FAM227A: variants seen among roughly 807,000 people sequenced by gnomAD.
FAM227A encodes family with sequence similarity 227 member A, also known as protein FAM227A.
In FAM227A, 80 loss-of-function variants were observed where a neutral mutation model predicts 74.7. The ratio of observed to expected loss-of-function variants is 1.07; its 90% CI spans 0.89 to 1.29. FAM227A has a LOEUF of 1.29. Among genes scored for constraint, FAM227A ranks in the 50% most tolerant of loss-of-function variants. The pLI is 0.00. For synonymous variants in FAM227A, 237 were observed against 241.8 expected (o/e 0.98, Z 0.19); for missense variants, 654 against 683.4 (o/e 0.96, Z 0.48).
intron 13 of FAM227A, 96 bp from the exon 14 acceptor site, chr22:38,600,017 TC>T: frequency 8.8e-7 from 1 of 1,138,150 alleles, no homozygotes; most frequent in Non-Finnish European, 1.2e-6. Flanking sequence ...TGTCCTTTGA[TC>T]CAGTAATTCC....
chr22:38,590,671 G>C (rs1016548343), intron 16 of FAM227A, among the ~76,000 whole-genome samples: 4 of 152,212 alleles, frequency 2.6e-5, no homozygotes, highest in Non-Finnish European at 5.9e-5. Flanking sequence ...TACAGTTCAT[G>C]AAGTACATAG....
At chr22:38,630,972 A>T (rs1385126214) in intron 6 of FAM227A, among the ~76,000 whole-genome samples, 1 of 152,222 alleles carries the variant, frequency 6.6e-6, no homozygotes, top group Non-Finnish European at 1.5e-5. Context: ...GTTCGAGACC[A>T]GTCTGGCCAA....
intron 6 of FAM227A, among the ~76,000 whole-genome samples, chr22:38,631,035 A>G (rs1236297732): frequency 6.6e-6 from 1 of 152,092 alleles, no homozygotes; most frequent in Non-Finnish European, 1.5e-5. Flanking sequence ...AGGTGTGGTG[A>G]TGCGCATCTA....
In FAM227A at chr22:38,584,582, C is replaced by G. The variant is rs2090767097; in HGVS notation, c.*1543G>C. On this transcript the variant is annotated 3_prime_UTR_variant, in exon 17 of 17. Coordinates refer to ENST00000535113, the MANE Select transcript of FAM227A (RefSeq NM_001013647.2). The stretch of plus-strand genomic sequence containing the variant: ...GAGTTCGAGACCAGCCTGGGCAACA[C>G]AGTGAGATCCCATCTCTACAAAAAA... 6.6e-6 allele frequency: 1 copy of G among 152,104 alleles called. No homozygotes were observed. The highest frequency in any genetic ancestry group is 6.6e-5 in the Admixed American group (1 of 15,254). The allele number at this position is 152,104 out of a possible 1,614,324, so 9.4% of individuals were successfully genotyped here. A position where few individuals can be genotyped will look rare whatever the true frequency, so the allele number is the denominator to read the frequency against.
chr22:38,640,432 C>A (rs969664096), intron 3 of FAM227A, among the ~76,000 whole-genome samples: 3 of 152,102 alleles, frequency 2.0e-5, no homozygotes, highest in African/African-American at 7.2e-5. Context: ...TAAGGGGTCT[C>A]TATTATCTAC....
chr22:38,606,650 T>C (rs966739902), intron 12 of FAM227A, among the ~76,000 whole-genome samples: 12 of 152,144 alleles, frequency 7.9e-5, no homozygotes, highest in Non-Finnish European at 1.6e-4. Context: ...GCCAGGGGAA[T>C]TGCAAGTAAC....
chr22:38,636,657 G>A lies in FAM227A; in HGVS notation c.373-60C>T, dbSNP rs1015036245. On this transcript the variant is annotated intron_variant, in intron 5 of 16. Transcript: ENST00000535113. ...CACATTTTGACAGTGTGAAACAATA[G>A]GCTAGCTTCCCCTCTTTATTATGAA... The A allele has an allele frequency of 2.8e-6, 4 of 1,438,376 alleles. No individual in the cohort carries two copies. The African/African-American group carries it at 4.3e-5, about 15-fold the overall frequency. The allele number at this position is 1,438,376 out of a possible 1,614,324, so 89.1% of individuals were successfully genotyped here. A position where few individuals can be genotyped will look rare whatever the true frequency, so the allele number is the denominator to read the frequency against.
Position 38,582,881 on chromosome 22 carries a change from G to A in FAM227A, c.*3244C>T. 1 of 1,550,530 alleles carries A rather than the reference G, an allele frequency of 6.4e-7. No individual in the cohort carries two copies. The highest frequency in any genetic ancestry group is 2.0e-5 in the Admixed American group (1 of 50,998). On this transcript the variant is annotated 3_prime_UTR_variant, in exon 17 of 17. Coordinates refer to ENST00000535113, the MANE Select transcript of FAM227A (RefSeq NM_001013647.2). ...GCCTACCTTGCTCCTGGTATATTAGGGAAGGCTCCCAAGATGAGGGACGTC... is the reference window on the plus strand; with the variant it reads ...GCCTACCTTGCTCCTGGTATATTAGAGAAGGCTCCCAAGATGAGGGACGTC...
intron 16 of FAM227A, among the ~76,000 whole-genome samples, chr22:38,589,929 C>T (rs1034842932): frequency 6.6e-6 from 1 of 151,948 alleles, no homozygotes; most frequent in Non-Finnish European, 1.5e-5. Context: ...AGCAAGATCT[C>T]ATCTCTTAAA....
intron 11 of FAM227A, among the ~76,000 whole-genome samples, chr22:38,608,999 G>T (rs1309656450): frequency 1.3e-5 from 2 of 151,704 alleles, no homozygotes; most frequent in African/African-American, 4.8e-5. Flanking sequence ...CACCATGTTG[G>T]CCAGGCTGGT....
Position 38,586,199 on chromosome 22 carries a change from C to A in FAM227A, c.1639G>T (p.Glu547Ter). Residue 547 changes from glutamate to a stop codon, truncating the protein, a stop_gained and splice_region_variant, in exon 17 of 17, where the codon GAG becomes TAG. Coordinates refer to ENST00000535113, the MANE Select transcript of FAM227A (RefSeq NM_001013647.2). LOFTEE classifies it low-confidence loss of function (END_TRUNC). ...CTCTTTCCCTCTCCTCCTTTCCCCT[C>A]CTGTGGGGGAAACAAACGAACAAAA... Reference protein sequence around the residue: ...NEESPDKKTKEGKGGEGKRRE... With the variant: ...NEESPDKKTK 6.5e-7 allele frequency: 1 copy of A among 1,544,638 alleles called. No homozygotes were observed. The highest frequency in any genetic ancestry group is 8.7e-7 in the Non-Finnish European group (1 of 1,145,156).
chr22:38,625,943 C>CAAAA (rs141715277), intron 9 of FAM227A, among the ~76,000 whole-genome samples: 3 of 71,532 alleles, frequency 4.2e-5, no homozygotes, highest in East Asian at 3.7e-4. Flanking sequence ...ACTCTATCTC[C>CAAAA]AAAAAAAAAA....
intron 14 of FAM227A, 159 bp from the exon 15 acceptor site, chr22:38,597,515 A>AG: frequency 1.3e-6 from 1 of 765,800 alleles, no homozygotes; most frequent in Non-Finnish European, 2.2e-6. Flanking sequence ...TGAGCAAGAG[A>AG]TGACTCTCCT....
At chr22:38,638,327 G>C (rs2092046082) in intron 5 of FAM227A, among the ~76,000 whole-genome samples, 1 of 152,152 alleles carries the variant, frequency 6.6e-6, no homozygotes, top group South Asian at 2.1e-4. Flanking sequence ...ATGACCCTGT[G>C]ACAAGTCACC....
At chr22:38,606,706 G>A (rs1226674839) in intron 12 of FAM227A, among the ~76,000 whole-genome samples, 1 of 152,172 alleles carries the variant, frequency 6.6e-6, no homozygotes, top group Non-Finnish European at 1.5e-5. Flanking sequence ...TACTATCACA[G>A]TCACCAATAT....
chr22:38,598,865 C>G (rs904479469), intron 14 of FAM227A, among the ~76,000 whole-genome samples: 2 of 152,072 alleles, frequency 1.3e-5, no homozygotes, highest in African/African-American at 4.8e-5. Flanking sequence ...ACCAATAGAC[C>G]AGTTTGATTC....
chr22:38,626,891 A>AAAAAAAAAAATATAT (rs1555966996), intron 8 of FAM227A, among the ~76,000 whole-genome samples: 2 of 57,688 alleles, frequency 3.5e-5, no homozygotes, highest in African/African-American at 1.8e-4. Context: ...AAAAAAAAAA[A>AAAAAAAAAAATATAT]ATATATATAT....
rs2091796517 is a variant in FAM227A at position 38,626,218 on chromosome 22, T to G, written c.812A>C (p.Lys271Thr). Reference protein sequence around the residue: ...PQSWFDTHEFKSDICNTMSLW... With the variant: ...PQSWFDTHEFTSDICNTMSLW... ...GCTCATTGTGTTACAGATGTCAGAC[T>G]TGAATTCGTGCGTGTCGAACCAGGA... Residue 271 changes from lysine to threonine, a missense_variant, in exon 9 of 17, where the codon AAG becomes ACG. Transcript: ENST00000535113. 1 of 1,551,660 alleles carries G rather than the reference T, an allele frequency of 6.4e-7. No homozygotes were observed. Among genetic ancestry groups the G allele is most frequent in the Non-Finnish European group, 8.7e-7 (1 of 1,146,964 alleles).
Position 38,605,360 on chromosome 22 carries a change from A to G in FAM227A, c.1127-12T>C, listed in dbSNP as rs1735791395. ...CTGACAATGATGCTCTGTCAATGTG[A>G]CATTAGCAAGAAAATGACCATTAGG... On this transcript the variant is annotated splice_polypyrimidine_tract_variant and intron_variant, in intron 12 of 16. Coordinates refer to ENST00000535113, the MANE Select transcript of FAM227A (RefSeq NM_001013647.2). 1 of 1,493,646 alleles carries G rather than the reference A, an allele frequency of 6.7e-7. No homozygotes were observed. Among genetic ancestry groups the G allele is most frequent in the African/African-American group, 1.4e-5 (1 of 71,854 alleles). 92.5% of individuals were successfully genotyped at this position (1,493,646 alleles called of 1,614,324 possible).
Sources: gnomAD v4.1 joint callset for allele counts (sites outside exome capture counted in the v4.1 genomes callset) on GRCh38, gnomAD v4.1.1 for gene constraint, MANE v1.5 for transcripts, NCBI Gene and HGNC (gene_info 2026-07-23, HGNC 2026-07-21) for gene names.